RPTOR: variants seen among roughly 807,000 people sequenced by gnomAD.
RPTOR encodes the protein regulatory-associated protein of mTOR.
RPTOR carries 21 observed loss-of-function variants against 169.9 expected under a neutral mutation model. That is an observed-to-expected ratio of 0.12 (90% CI 0.09 to 0.18). The LOEUF (loss-of-function observed/expected upper bound fraction) is 0.18, where lower values mean the gene tolerates loss of function less well. Ranked by LOEUF, RPTOR falls within the 10% of genes least tolerant of loss-of-function variation. RPTOR has a pLI of 1.00. For synonymous variants in RPTOR, 732 were observed against 753.2 expected (o/e 0.97, Z 0.46); for missense variants, 1,133 against 1,855.9 (o/e 0.61, Z 7.16).
At chr17:80,921,205 G>A (rs536095607) in intron 21 of RPTOR, among the ~76,000 whole-genome samples, 23 of 152,362 alleles carry the variant, frequency 1.5e-4, no homozygotes, top group South Asian at 1.0e-3. Flanking sequence ...GGCTCCACGC[G>A]GATGCGGACC....
At chr17:80,887,591 G>A (rs192816188) in intron 17 of RPTOR, among the ~76,000 whole-genome samples, 7 of 152,192 alleles carry the variant, frequency 4.6e-5, no homozygotes, top group Non-Finnish European at 1.0e-4. Flanking sequence ...TCCTGAGCCC[G>A]TCCTGAGCCT....
intron 5 of RPTOR, among the ~76,000 whole-genome samples, chr17:80,737,697 C>T (rs1422760844): frequency 6.6e-6 from 1 of 152,102 alleles, no homozygotes; most frequent in Non-Finnish European, 1.5e-5. Flanking sequence ...GCTGTAAGAA[C>T]CCATACTTGT....
intron 16 of RPTOR, among the ~76,000 whole-genome samples, chr17:80,884,179 G>A (rs1453526478): frequency 6.6e-6 from 1 of 152,202 alleles, no homozygotes; most frequent in Non-Finnish European, 1.5e-5. Context: ...GCGCTCCCGG[G>A]GACAGTGGCA....
chr17:80,593,273 G>A (rs1207037234), intron 1 of RPTOR: 2 of 154,838 alleles, frequency 1.3e-5, no homozygotes. Context: ...CTTCCACGGT[G>A]AACTTGTCAG....
At chr17:80,840,460 CCG>C in intron 10 of RPTOR, among the ~76,000 whole-genome samples, 1 of 143,174 alleles carries the variant, frequency 7.0e-6, no homozygotes, top group African/African-American at 2.7e-5. Context: ...TCTCTTTGCA[CCG>C]CAGCTCACGC....
In RPTOR at chr17:80,643,360, T is replaced by C. The variant is rs575900994; in HGVS notation, c.266-368T>C. 5.9e-5 allele frequency among the ~76,000 whole-genome samples: 9 copies of C among 152,328 alleles called. 1 individual carries two copies. The South Asian group carries it at 1.9e-3, about 32-fold the overall frequency. ...TCCTGTACCCATGAGAGCCATAGTTTGAACAGGAGGAAGCATATGCTGTCA... is the reference window on the plus strand; with the variant it reads ...TCCTGTACCCATGAGAGCCATAGTTCGAACAGGAGGAAGCATATGCTGTCA... On this transcript the variant is annotated intron_variant, in intron 2 of 33. Coordinates refer to ENST00000306801, the MANE Select transcript of RPTOR (RefSeq NM_020761.3).
At chr17:80,813,934 G>A (rs1598324419) in intron 7 of RPTOR, among the ~76,000 whole-genome samples, 1 of 152,190 alleles carries the variant, frequency 6.6e-6, no homozygotes, top group Non-Finnish European at 1.5e-5. Flanking sequence ...AGGAGTGTGA[G>A]ACCAGCCTGG....
intron 1 of RPTOR, among the ~76,000 whole-genome samples, chr17:80,587,539 G>C (rs1279341004): frequency 6.6e-6 from 1 of 152,174 alleles, no homozygotes. Flanking sequence ...TAATCGGGTT[G>C]GGTTTTAGCT....
In RPTOR at chr17:80,964,563, A is replaced by C; in HGVS notation, c.*233A>C. 3.5e-6 allele frequency: 2 copies of C among 575,666 alleles called. No individual in the cohort carries two copies. Among genetic ancestry groups the C allele is most frequent in the Non-Finnish European group, 6.2e-6 (2 of 320,476 alleles). 35.7% of individuals were successfully genotyped at this position (575,666 alleles called of 1,614,324 possible). Reference sequence around the variant, plus strand: ...GGTTGACGGTGGCTTCCCACTGAGCACCAGCATCCAGGTGCACCCCCGCGG... The same window carrying C: ...GGTTGACGGTGGCTTCCCACTGAGCCCCAGCATCCAGGTGCACCCCCGCGG... On this transcript the variant is annotated 3_prime_UTR_variant, in exon 34 of 34. Coordinates refer to ENST00000306801, the MANE Select transcript of RPTOR (RefSeq NM_020761.3).
chr17:80,630,146 A>G (rs2065431171), intron 2 of RPTOR, among the ~76,000 whole-genome samples: 1 of 152,252 alleles, frequency 6.6e-6, no homozygotes, highest in African/African-American at 2.4e-5. Context: ...TATAGTTCAG[A>G]AAACAGGGTC....
chr17:80,946,206 G>C (rs987301840), intron 26 of RPTOR, among the ~76,000 whole-genome samples: 5 of 152,174 alleles, frequency 3.3e-5, no homozygotes, highest in Non-Finnish European at 7.3e-5. Flanking sequence ...CTTAGAGATG[G>C]AGAGAGTACC....
intron 1 of RPTOR, among the ~76,000 whole-genome samples, chr17:80,549,599 C>T (rs1040230167): frequency 6.6e-6 from 1 of 152,172 alleles, no homozygotes; most frequent in Non-Finnish European, 1.5e-5. Flanking sequence ...AGGTGTGAGC[C>T]ACCGTGCCTG....
intron 24 of RPTOR, among the ~76,000 whole-genome samples, chr17:80,929,451 A>C (rs936009701): frequency 6.9e-6 from 1 of 144,922 alleles, no homozygotes; most frequent in Non-Finnish European, 1.5e-5. Flanking sequence ...TTTGCAATTT[A>C]AAACAGACTA....
chr17:80,596,296 A>G (rs1196040977), intron 1 of RPTOR, among the ~76,000 whole-genome samples: 3 of 152,244 alleles, frequency 2.0e-5, no homozygotes, highest in Admixed American at 2.0e-4. Flanking sequence ...AGTCAGAGAG[A>G]ACTGTGTTAA....
chr17:80,645,561 G>T (rs1476523245), intron 3 of RPTOR, among the ~76,000 whole-genome samples: 3 of 150,534 alleles, frequency 2.0e-5, no homozygotes, highest in Admixed American at 6.6e-5. Flanking sequence ...ATTTACAATT[G>T]TTTTTTTTGA....
chr17:80,862,687 CCCT>C (rs1215484809), intron 13 of RPTOR, among the ~76,000 whole-genome samples: 2 of 151,930 alleles, frequency 1.3e-5, no homozygotes, highest in African/African-American at 2.4e-5. Context: ...CTGCTCCGCC[CCCT>C]CCTCGTGTTG....
At chr17:80,643,207 C>T (rs1326393827) in intron 2 of RPTOR, among the ~76,000 whole-genome samples, 1 of 152,168 alleles carries the variant, frequency 6.6e-6, no homozygotes, top group Non-Finnish European at 1.5e-5. Flanking sequence ...GAACCCACTC[C>T]TGAAATAAAT....
At chr17:80,784,443 G>A (rs780319362) in intron 6 of RPTOR, among the ~76,000 whole-genome samples, 1 of 152,076 alleles carries the variant, frequency 6.6e-6, no homozygotes, top group African/African-American at 2.4e-5. Context: ...CCAGGCTGGA[G>A]TGCAATGGCA....
At chr17:80,964,159 C>G in intron 33 of RPTOR, 103 bp from the exon 34 acceptor site, 1 of 1,020,932 alleles carries the variant, frequency 9.8e-7, no homozygotes, top group Non-Finnish European at 1.5e-6. Flanking sequence ...TCCTGAGACC[C>G]CGGCAGGAGC....
Sources: allele counts gnomAD v4.1 joint callset (sites outside exome capture counted in the v4.1 genomes callset), GRCh38; gene constraint gnomAD v4.1.1; transcripts MANE v1.5; gene names NCBI Gene and HGNC (gene_info 2026-07-23, HGNC 2026-07-21).